The following DDAH1 variants were observed in gnomAD, a reference collection of about 807,000 sequenced individuals.
DDAH1 encodes N(G),N(G)-dimethylarginine dimethylaminohydrolase 1.
DDAH1 carries 19 observed loss-of-function variants against 28.8 expected under a neutral mutation model. The observed-to-expected ratio is 0.66, with a 90% confidence interval of 0.46 to 0.97. The LOEUF is 0.97. DDAH1 is among the 50% of genes least tolerant of loss of function. DDAH1 has a pLI of 0.00. For synonymous variants in DDAH1, 153 were observed against 154.4 expected, an observed-to-expected ratio of 0.99 and a Z score of 0.07; for missense variants, 326 against 375.9, an observed-to-expected ratio of 0.87 and a Z score of 1.10.
intron 1 of DDAH1, among the ~76,000 whole-genome samples, chr1:85,438,877 T>C (rs1414136582): frequency 2.0e-5 from 3 of 152,136 alleles, no homozygotes; most frequent in African/African-American, 4.8e-5. Flanking sequence ...TATGAGAAAT[T>C]AGTAGTGAAG....
chr1:85,340,142 A>G (rs900670679), intron 4 of DDAH1, among the ~76,000 whole-genome samples: 6 of 152,212 alleles, frequency 3.9e-5, no homozygotes, highest in African/African-American at 1.4e-4. Context: ...GACTTGAGTG[A>G]GCACTGATTC....
chr1:85,410,637 C>A (rs79329102), intron 1 of DDAH1, among the ~76,000 whole-genome samples: 94 of 142,206 alleles, frequency 6.6e-4, no homozygotes, highest in South Asian at 9.1e-4. Context: ...AGCTCTGCCT[C>A]AAAAAAAAAA....
Position 85,455,123 on chromosome 1 carries a change from A to T in DDAH1, c.303+9620T>A, listed in dbSNP as rs150376494. Among the ~76,000 whole-genome samples the T allele has an allele frequency of 7.2e-3, 1,090 of 152,338 alleles. 12 individuals are homozygous for T. The highest frequency in any genetic ancestry group is 0.025 in the African/African-American group (1,042 of 41,560). ...TTTCAAAATAAAGTACTAGATCTAA[A>T]TCTCTTCACACAAAACTCTTGAGCT... On this transcript the variant is annotated intron_variant, in intron 1 of 5. Transcript: ENST00000284031.
chr1:85,512,670 A>G (rs1490958513), intron 1 of DDAH1, among the ~76,000 whole-genome samples: 1 of 152,222 alleles, frequency 6.6e-6, no homozygotes. Context: ...TACAAAATCA[A>G]TGTGCAAAAA....
chr1:85,499,666 CAAA>C (rs56378574), intron 1 of DDAH1, among the ~76,000 whole-genome samples: 2 of 134,974 alleles, frequency 1.5e-5, no homozygotes, highest in African/African-American at 2.8e-5. Flanking sequence ...GACTCCATCT[CAAA>C]AAAAAAAAAA....
chr1:85,566,148 A>C (rs1659293569), intron 1 of DDAH1, among the ~76,000 whole-genome samples: 1 of 152,126 alleles, frequency 6.6e-6, no homozygotes, highest in Admixed American at 6.5e-5. Context: ...GCCAATAAAA[A>C]AGGAAATACA....
chr1:85,462,933 T>C (rs554550115), intron 1 of DDAH1, among the ~76,000 whole-genome samples: 1 of 152,398 alleles, frequency 6.6e-6, no homozygotes, highest in African/African-American at 2.4e-5. Flanking sequence ...AAGTGAATAA[T>C]AATAGTCAAC....
upstream of DDAH1, among the ~76,000 whole-genome samples, chr1:85,469,858 C>T (rs1213966352): frequency 1.3e-5 from 2 of 152,124 alleles, no homozygotes; most frequent in African/African-American, 4.8e-5. Context: ...GTTCCTTTTC[C>T]TCTTCTGGAC....
intron 1 of DDAH1, among the ~76,000 whole-genome samples, chr1:85,463,529 A>G (rs1655216760): frequency 6.6e-6 from 1 of 152,348 alleles, no homozygotes; most frequent in African/African-American, 2.4e-5. Context: ...TCAAAGGGCT[A>G]GCAGAGATCT....
chr1:85,553,712 T>C (rs970047943), intron 1 of DDAH1, among the ~76,000 whole-genome samples: 1 of 152,238 alleles, frequency 6.6e-6, no homozygotes, highest in Non-Finnish European at 1.5e-5. Context: ...ATTTGTTGTA[T>C]GAATCCACTG....
rs1287102299 is a variant in DDAH1, at chr1:85,546,270, G to T, written c.-123+31714C>A. Among the ~76,000 whole-genome samples the T allele has an allele frequency of 4.6e-5, 7 of 152,084 alleles. No homozygotes were observed. In the South Asian group the frequency reaches 1.2e-3, roughly 27 times the overall value. On this transcript the variant is annotated intron_variant, in intron 1 of 6. Coordinates refer to the DDAH1 transcript ENST00000426972. ...GCCGTTTTCTCAGGAGTTATCTTGG[G>T]AGTGGGTTCCTTATAAAAGGACAAG...
intron 1 of DDAH1, among the ~76,000 whole-genome samples, chr1:85,367,829 G>A (rs980593142): frequency 2.6e-5 from 4 of 152,150 alleles, no homozygotes; most frequent in Non-Finnish European, 5.9e-5. Flanking sequence ...AGAGAGGGAA[G>A]CAATTTGAGC....
chr1:85,483,342 C>T (rs1228581890), intron 2 of DDAH1, among the ~76,000 whole-genome samples: 4 of 151,934 alleles, frequency 2.6e-5, no homozygotes, highest in African/African-American at 2.4e-5. Context: ...GAGGATGTTA[C>T]GTTGTAAAGT....
intron 1 of DDAH1, among the ~76,000 whole-genome samples, chr1:85,441,228 A>C (rs897734468): frequency 2.6e-5 from 4 of 152,196 alleles, no homozygotes; most frequent in African/African-American, 9.7e-5. Flanking sequence ...GATTACATAC[A>C]GTATTGAGAA....
chr1:85,575,838 T>C (rs958497759), intron 1 of DDAH1: 8 of 152,140 alleles, frequency 5.3e-5, no homozygotes, highest in African/African-American at 1.7e-4. Context: ...TTACCTTCCA[T>C]GCCTCCATTT....
chr1:85,342,387 A>T (rs564575503), intron 4 of DDAH1, among the ~76,000 whole-genome samples: 2 of 147,978 alleles, frequency 1.4e-5, no homozygotes, highest in South Asian at 2.2e-4. Flanking sequence ...TTTTTCTATG[A>T]GTGTGTGTGT....
chr1:85,400,634 A>G (rs181923918), intron 1 of DDAH1, among the ~76,000 whole-genome samples: 1 of 152,322 alleles, frequency 6.6e-6, no homozygotes, highest in African/African-American at 2.4e-5. Context: ...CACTGTCCAC[A>G]TGGGATCCCC....
At chr1:85,499,673 A>T (rs1656725935) in intron 1 of DDAH1, among the ~76,000 whole-genome samples, 1 of 152,082 alleles carries the variant, frequency 6.6e-6, no homozygotes, top group African/African-American at 2.4e-5. Context: ...TCTCAAAAAA[A>T]AAAAAAGAAA....
chr1:85,412,085 T>C (rs1003296374), intron 1 of DDAH1, among the ~76,000 whole-genome samples: 2 of 152,222 alleles, frequency 1.3e-5, no homozygotes, highest in South Asian at 2.1e-4. Flanking sequence ...ATTCCAGACA[T>C]AGTGCCAATG....
Sources: gnomAD v4.1 joint callset for allele counts (sites outside exome capture counted in the v4.1 genomes callset) on GRCh38, gnomAD v4.1.1 for gene constraint, MANE v1.5 for transcripts, NCBI Gene and HGNC (gene_info 2026-07-23, HGNC 2026-07-21) for gene names.